Variants in ATXN1 observed in about 807,000 individuals in gnomAD.
ATXN1 encodes ataxin 1, also known as ataxin-1.
Under a neutral mutation model 56.4 loss-of-function variants are expected in ATXN1, and 8 were observed. The ratio of observed to expected loss-of-function variants is 0.14; its 90% CI spans 0.08 to 0.26. The LOEUF is 0.26. Ranked by LOEUF, ATXN1 falls within the 10% of genes least tolerant of loss-of-function variation. The pLI, the probability that ATXN1 is intolerant of heterozygous loss-of-function variation, is 1.00. For missense variants in ATXN1, 987 were observed against 1,106.5 expected (o/e 0.89, Z 1.53); for synonymous variants, 514 against 494.6 (o/e 1.04, Z -0.52).
At chr6:16,617,905 G>A (rs1001765034) in intron 3 of ATXN1, among the ~76,000 whole-genome samples, 6 of 151,804 alleles carry the variant, frequency 4.0e-5, no homozygotes, top group African/African-American at 1.2e-4. Flanking sequence ...TCTAATATTT[G>A]ACAAAAGTTC....
intron 2 of ATXN1, among the ~76,000 whole-genome samples, chr6:16,727,762 A>G (rs1278110526): frequency 1.3e-5 from 2 of 152,210 alleles, no homozygotes; most frequent in African/African-American, 4.8e-5. Context: ...ATAAATATTA[A>G]TTCAATGTGT....
At chr6:16,351,031 T>C (rs371017085) in intron 6 of ATXN1, among the ~76,000 whole-genome samples, 26 of 152,210 alleles carry the variant, frequency 1.7e-4, no homozygotes, top group South Asian at 4.1e-4. Flanking sequence ...CAAAGCTGCA[T>C]TGAGCTGAGA....
At chr6:16,744,123 T>C (rs927732312) in intron 2 of ATXN1, among the ~76,000 whole-genome samples, 1 of 152,160 alleles carries the variant, frequency 6.6e-6, no homozygotes, top group Non-Finnish European at 1.5e-5. Context: ...AGGTATATCA[T>C]ATGCCAAACC....
At chr6:16,379,486 G>A (rs796194407) in intron 6 of ATXN1, among the ~76,000 whole-genome samples, 13 of 152,206 alleles carry the variant, frequency 8.5e-5, no homozygotes, top group African/African-American at 2.4e-4. Flanking sequence ...GTGATGCAAC[G>A]CAACTGAAGA....
chr6:16,384,505 A>T (rs1758198078), intron 6 of ATXN1, among the ~76,000 whole-genome samples: 1 of 152,214 alleles, frequency 6.6e-6, no homozygotes, highest in East Asian at 1.9e-4. Context: ...AAGATCTAAA[A>T]GACACAGTTC....
intron 3 of ATXN1, among the ~76,000 whole-genome samples, chr6:16,656,870 G>A (rs1385615779): frequency 2.0e-5 from 3 of 152,106 alleles, no homozygotes; most frequent in Non-Finnish European, 4.4e-5. Context: ...AAACCTGGAC[G>A]GCATGCTACT....
chr6:16,374,826 C>T (rs1762111780), intron 6 of ATXN1, among the ~76,000 whole-genome samples: 1 of 152,364 alleles, frequency 6.6e-6, no homozygotes, highest in East Asian at 1.9e-4. Context: ...CTGAGCAACA[C>T]AGAATTGCTG....
At chr6:16,407,988 T>C (rs1392289001) in intron 6 of ATXN1, among the ~76,000 whole-genome samples, 1 of 152,060 alleles carries the variant, frequency 6.6e-6, no homozygotes, top group African/African-American at 2.4e-5. Flanking sequence ...CCCAGAGTGG[T>C]TGGGTTAAGG....
intron 2 of ATXN1, among the ~76,000 whole-genome samples, chr6:16,689,015 T>C (rs1758980636): frequency 6.6e-6 from 1 of 151,770 alleles, no homozygotes; most frequent in Non-Finnish European, 1.5e-5. Flanking sequence ...CGCATATGTG[T>C]ACGTGTATAT....
At chr6:16,756,518 T>A (rs1276229195) in intron 1 of ATXN1, among the ~76,000 whole-genome samples, 1 of 152,214 alleles carries the variant, frequency 6.6e-6, no homozygotes, top group Non-Finnish European at 1.5e-5. Flanking sequence ...AGGGCCTGCT[T>A]CTGATAACCT....
rs192779631 is a variant in ATXN1 at position 16,688,727 on chromosome 6, C to T, written c.-614-30826G>A. 1.2e-4 allele frequency among the ~76,000 whole-genome samples: 18 copies of T among 152,238 alleles called. No homozygotes were observed. The East Asian group carries it at 3.3e-3, about 28-fold the overall frequency. On this transcript the variant is annotated intron_variant, in intron 2 of 7. Transcript: ENST00000436367. Reference sequence around the variant, plus strand: ...GGGTGACATCCAATCTGCTTTTACCCGGCTCACTTATTTACAATTGGGGCT... The same window carrying T: ...GGGTGACATCCAATCTGCTTTTACCTGGCTCACTTATTTACAATTGGGGCT...
At chr6:16,351,024 A>G (rs1761554403) in intron 6 of ATXN1, among the ~76,000 whole-genome samples, 1 of 152,162 alleles carries the variant, frequency 6.6e-6, no homozygotes, top group Non-Finnish European at 1.5e-5. Flanking sequence ...GGGAGATCAA[A>G]GCTGCATTGA....
At chr6:16,332,519 G>A (rs187607511) in intron 6 of ATXN1, among the ~76,000 whole-genome samples, 26 of 152,284 alleles carry the variant, frequency 1.7e-4, no homozygotes, top group African/African-American at 3.6e-4. Context: ...GGGGACCCCC[G>A]AGGAGTTTAT....
intron 5 of ATXN1, among the ~76,000 whole-genome samples, chr6:16,495,745 C>T (rs1389171600): frequency 6.6e-6 from 1 of 152,032 alleles, no homozygotes; most frequent in Admixed American, 6.6e-5. Context: ...CGCCTGTAGT[C>T]CCAGCTACTC....
chr6:16,447,276 G>A (rs980190251), intron 6 of ATXN1, among the ~76,000 whole-genome samples: 3 of 152,122 alleles, frequency 2.0e-5, no homozygotes, highest in African/African-American at 7.2e-5. Context: ...CCACGTTAGA[G>A]TGCAGTGGCA....
intron 5 of ATXN1, among the ~76,000 whole-genome samples, chr6:16,510,270 G>A (rs1472698869): frequency 2.6e-5 from 4 of 152,126 alleles, no homozygotes; most frequent in Admixed American, 2.0e-4. Flanking sequence ...CAGACCGACA[G>A]GATCAGAACC....
intron 7 of ATXN1, among the ~76,000 whole-genome samples, chr6:16,322,743 C>T (rs969987258): frequency 6.6e-6 from 1 of 152,190 alleles, no homozygotes; most frequent in South Asian, 2.1e-4. Context: ...CCTCCCATCT[C>T]CCCCTCTCAT....
intron 6 of ATXN1, among the ~76,000 whole-genome samples, chr6:16,451,543 G>A (rs1581772003): frequency 6.6e-6 from 1 of 152,262 alleles, no homozygotes; most frequent in African/African-American, 2.4e-5. Flanking sequence ...ATCACCTGAG[G>A]TCGGGAGTTG....
At chr6:16,367,340 TCTCTCTC>T (rs1761943539) in intron 6 of ATXN1, among the ~76,000 whole-genome samples, 1 of 91,920 alleles carries the variant, frequency 1.1e-5, no homozygotes, top group African/African-American at 3.1e-5. Context: ...TGTTTCTCTC[TCTCTCTC>T]TCTCTCTCTC....
Sources: gnomAD v4.1 joint callset for allele counts (sites outside exome capture counted in the v4.1 genomes callset) on GRCh38, gnomAD v4.1.1 for gene constraint, MANE v1.5 for transcripts, NCBI Gene and HGNC (gene_info 2026-07-23, HGNC 2026-07-21) for gene names.